The following AK5 variants were observed in gnomAD, a reference collection of about 807,000 sequenced individuals.
AK5 encodes the protein adenylate kinase 5.
A neutral mutation model predicts 69.5 loss-of-function variants in AK5; 27 were observed. The observed-to-expected ratio is 0.39, with a 90% CI of 0.29 to 0.54. The LOEUF (loss-of-function observed/expected upper bound fraction) is 0.54. Ranked by LOEUF, AK5 falls within the 20% of genes least tolerant of loss-of-function variation. AK5 has a pLI of 0.71. For synonymous variants in AK5, 260 were observed against 244.4 expected, an observed-to-expected ratio of 1.06 and a Z score of -0.60; for missense variants, 531 against 700.4, an observed-to-expected ratio of 0.76 and a Z score of 2.73.
At chr1:77,441,688 T>A (rs745436881) in intron 8 of AK5, among the ~76,000 whole-genome samples, 1 of 152,198 alleles carries the variant, frequency 6.6e-6, no homozygotes, top group Non-Finnish European at 1.5e-5. Flanking sequence ...CTATTCTTAT[T>A]TTCCCCACAA....
At chr1:77,367,579 A>ATG (rs71075732) in intron 6 of AK5, among the ~76,000 whole-genome samples, 2 of 53,360 alleles carry the variant, frequency 3.7e-5, no homozygotes, top group South Asian at 6.5e-4. Context: ...ATATATATAT[A>ATG]ATATATATGT....
intron 10 of AK5, among the ~76,000 whole-genome samples, chr1:77,492,606 C>A (rs558763656): frequency 6.6e-6 from 1 of 152,248 alleles, no homozygotes; most frequent in Admixed American, 6.5e-5. Flanking sequence ...CCTTTCCAAG[C>A]AAATAACCTC....
chr1:77,293,655 C>A, intron 2 of AK5, 138 bp from the exon 3 acceptor site: 1 of 698,364 alleles, frequency 1.4e-6, no homozygotes, highest in Non-Finnish European at 2.3e-6. Context: ...AGCCTGCTGA[C>A]CACTTAGGGA....
chr1:77,446,863 G>T (rs1194464221), intron 8 of AK5, among the ~76,000 whole-genome samples: 1 of 152,188 alleles, frequency 6.6e-6, no homozygotes, highest in African/African-American at 2.4e-5. Context: ...ATAATTTGAG[G>T]ACTTAGCAAG....
chr1:77,429,668 C>G (rs1313269457), intron 8 of AK5, among the ~76,000 whole-genome samples: 1 of 152,016 alleles, frequency 6.6e-6, no homozygotes. Flanking sequence ...AAAGTCTTCT[C>G]CAGGATGGTC....
chr1:77,297,456 T>C (rs2100244092), intron 3 of AK5, 103 bp from the exon 4 acceptor site: 1 of 1,096,798 alleles, frequency 9.1e-7, no homozygotes, highest in East Asian at 2.4e-5. Flanking sequence ...AACCACCCTG[T>C]CTTGGTGACA....
At chr1:77,498,870 T>A (rs971054053) in intron 10 of AK5, among the ~76,000 whole-genome samples, 2 of 152,234 alleles carry the variant, frequency 1.3e-5, no homozygotes, top group Admixed American at 1.3e-4. Flanking sequence ...ACATTTCTTG[T>A]TAAAATTAAA....
intron 10 of AK5, among the ~76,000 whole-genome samples, chr1:77,498,912 G>A (rs1375131224): frequency 6.6e-6 from 1 of 152,222 alleles, no homozygotes; most frequent in Non-Finnish European, 1.5e-5. Context: ...GTTAAGTGGT[G>A]TTTCACCTAC....
intron 8 of AK5, among the ~76,000 whole-genome samples, chr1:77,418,821 T>A (rs1314941081): frequency 6.6e-6 from 1 of 152,182 alleles, no homozygotes. Flanking sequence ...GCTGTATATT[T>A]CATATACGTA....
At chr1:77,330,493 A>C (rs1661033298) in intron 5 of AK5, among the ~76,000 whole-genome samples, 1 of 152,178 alleles carries the variant, frequency 6.6e-6, no homozygotes, top group Non-Finnish European at 1.5e-5. Context: ...TTTGTTGAAA[A>C]GACTGTCCTT....
In AK5 at chr1:77,475,169, A is replaced by G. The variant is rs963476719; in HGVS notation, c.1060-8148A>G. On this transcript the variant is annotated intron_variant, in intron 8 of 13. Transcript: ENST00000354567. ...GCTAGGAGTATGTGTGTGTGCATGT[A>G]TATATATATATATATATATATATAT... Among the ~76,000 whole-genome samples, 13 of 75,060 alleles carry G rather than the reference A, an allele frequency of 1.7e-4. 1 individual carries two copies. Among genetic ancestry groups the G allele is most frequent in the Admixed American group, 4.6e-4 (3 of 6,474 alleles). The allele number at this position is 75,060 out of a possible 152,430, so 49.2% of individuals were successfully genotyped here.
chr1:77,330,233 A>G (rs965319490), intron 5 of AK5, among the ~76,000 whole-genome samples: 3 of 152,144 alleles, frequency 2.0e-5, no homozygotes, highest in African/African-American at 7.2e-5. Context: ...GTTTTTCTCT[A>G]TTTTAAAGCA....
At chr1:77,364,403 T>C (rs1452882196) in intron 6 of AK5, among the ~76,000 whole-genome samples, 1 of 152,222 alleles carries the variant, frequency 6.6e-6, no homozygotes, top group African/African-American at 2.4e-5. Context: ...CTTCTAGCTA[T>C]TTGAAATTGT....
At chr1:77,446,591 C>T (rs1652771014) in intron 8 of AK5, among the ~76,000 whole-genome samples, 2 of 152,100 alleles carry the variant, frequency 1.3e-5, no homozygotes, top group Non-Finnish European at 2.9e-5. Context: ...TTTCCTTCAT[C>T]AATATTTTAT....
chr1:77,406,675 A>G (rs1323175955), intron 6 of AK5, among the ~76,000 whole-genome samples: 1 of 128,974 alleles, frequency 7.8e-6, no homozygotes, highest in Non-Finnish European at 1.6e-5. Context: ...GCTCTTCTGC[A>G]TGCACATGAG....
intron 1 of AK5, among the ~76,000 whole-genome samples, chr1:77,284,630 A>G (rs922663823): frequency 6.6e-6 from 1 of 152,160 alleles, no homozygotes; most frequent in African/African-American, 2.4e-5. Flanking sequence ...ATTCTGGCTA[A>G]CCTTATGGTG....
At position 77,475,396 on chromosome 1, in the gene AK5, A is replaced by G. The variant is rs1380685548; in HGVS notation, c.1060-7921A>G. 4.3e-4 allele frequency among the ~76,000 whole-genome samples: 4 copies of G among 9,362 alleles called. 2 individuals carry two copies. In the East Asian group the frequency reaches 0.036, roughly 85 times the overall value. The allele number at this position is 9,362 out of a possible 152,430, so 6.1% of individuals were successfully genotyped here. On this transcript the variant is annotated intron_variant, in intron 8 of 13. Coordinates refer to ENST00000354567, the MANE Select transcript of AK5 (RefSeq NM_174858.3). ...ATATATATTATATATATGTATATAT[A>G]TAATATATATGTATATATATACTAT...
chr1:77,301,538 C>G (rs530456164), intron 5 of AK5, among the ~76,000 whole-genome samples: 1 of 152,288 alleles, frequency 6.6e-6, no homozygotes, highest in East Asian at 1.9e-4. Flanking sequence ...TGCAAATGCT[C>G]GCCTGCTCCC....
At chr1:77,326,444 G>GA (rs879801796) in intron 5 of AK5, among the ~76,000 whole-genome samples, 5 of 146,498 alleles carry the variant, frequency 3.4e-5, no homozygotes, top group Non-Finnish European at 3.0e-5. Context: ...TAACACCAAA[G>GA]TTTTTTTTTT....
Sources: gnomAD v4.1 joint callset for allele counts (sites outside exome capture counted in the v4.1 genomes callset) on GRCh38, gnomAD v4.1.1 for gene constraint, MANE v1.5 for transcripts, NCBI Gene and HGNC (gene_info 2026-07-23, HGNC 2026-07-21) for gene names.